The following ISY1 variants were observed in gnomAD, a reference collection of about 807,000 sequenced individuals.
ISY1 encodes the protein ISY1 spliceosome associated protein.
A neutral mutation model predicts 54.4 loss-of-function variants in ISY1; 12 were observed. The observed-to-expected ratio is 0.22, with a 90% CI of 0.14 to 0.36. The LOEUF is 0.36. ISY1 is among the 10% of genes least tolerant of loss of function. The pLI, the probability that ISY1 is intolerant of heterozygous loss-of-function variation, is 1.00. For synonymous variants in ISY1, 96 were observed against 117.9 expected (o/e 0.81, Z 1.20); for missense variants, 282 against 342.2 (o/e 0.82, Z 1.39).
intron 7 of ISY1, among the ~76,000 whole-genome samples, chr3:129,137,590 T>C (rs1936454173): frequency 6.6e-6 from 1 of 151,920 alleles, no homozygotes. Flanking sequence ...CCTAGCGCTT[T>C]GGGAGGCCGA....
intron 10 of ISY1, 112 bp downstream of exon 10, chr3:129,130,438 C>A: frequency 7.3e-7 from 1 of 1,374,524 alleles, no homozygotes; most frequent in Non-Finnish European, 9.9e-7. Context: ...GTGGTCAGGA[C>A]CCTGAGCTGC....
chr3:129,150,073 T>C (rs1936920631), intron 5 of ISY1, among the ~76,000 whole-genome samples: 1 of 152,126 alleles, frequency 6.6e-6, no homozygotes, highest in Admixed American at 6.6e-5. Flanking sequence ...CCCTGTCCTT[T>C]CACCAATACC....
intron 5 of ISY1, 109 bp from the exon 6 acceptor site, chr3:129,145,982 G>A: frequency 2.0e-6 from 2 of 997,432 alleles, no homozygotes; most frequent in Admixed American, 5.4e-5. Flanking sequence ...ACCTACAAAG[G>A]TATACTACAT....
intron 5 of ISY1, among the ~76,000 whole-genome samples, chr3:129,153,039 T>C (rs866544844): frequency 5.4e-4 from 80 of 147,612 alleles, no homozygotes; most frequent in African/African-American, 1.9e-3. Flanking sequence ...AGATGGACTG[T>C]CGCTCTGTCA....
At chr3:129,160,876 C>G (rs1937287757) in intron 1 of ISY1, 97 bp downstream of exon 1, 9 of 1,445,002 alleles carry the variant, frequency 6.2e-6, no homozygotes, top group Non-Finnish European at 8.5e-6. Context: ...CAGCACTGCA[C>G]GTCTGAGCCT....
chr3:129,147,940 A>AT (rs541481567), intron 5 of ISY1, among the ~76,000 whole-genome samples: 82 of 151,588 alleles, frequency 5.4e-4, no homozygotes, highest in African/African-American at 1.9e-3. Context: ...TGTTTTATTT[A>AT]TTTTTTTTAT....
At chr3:129,132,470 T>C (rs1936263379) in intron 9 of ISY1, among the ~76,000 whole-genome samples, 1 of 152,196 alleles carries the variant, frequency 6.6e-6, no homozygotes, top group Non-Finnish European at 1.5e-5. Context: ...CCTTTGTCTC[T>C]CACACTCATC....
rs558886505 is a variant in ISY1, at chr3:129,150,591, T to A, written c.188-4718A>T. 6.6e-5 allele frequency among the ~76,000 whole-genome samples: 10 copies of A among 152,166 alleles called. No homozygotes were observed. The South Asian group carries it at 2.1e-3, about 32-fold the overall frequency. On this transcript the variant is annotated intron_variant, in intron 5 of 10. Coordinates refer to ENST00000393295, the MANE Select transcript of ISY1 (RefSeq NM_020701.4). ...AGCCAGACGTGGTGGTGGGCGCCTG[T>A]AGTCCCAGCTACTCGGGAGGCTGAG...
At chr3:129,135,539 G>A (rs1936367994) in intron 7 of ISY1, among the ~76,000 whole-genome samples, 2 of 152,162 alleles carry the variant, frequency 1.3e-5, no homozygotes, top group African/African-American at 4.8e-5. Context: ...GCCGAGGCGG[G>A]AGAATCACGA....
At chr3:129,132,810 A>C (rs917533870) in intron 9 of ISY1, among the ~76,000 whole-genome samples, 2 of 152,244 alleles carry the variant, frequency 1.3e-5, no homozygotes, top group Non-Finnish European at 2.9e-5. Flanking sequence ...AAATCCTCCT[A>C]AGGCATGCTG....
At chr3:129,143,684 T>C (rs1437919330) in intron 6 of ISY1, among the ~76,000 whole-genome samples, 1 of 151,310 alleles carries the variant, frequency 6.6e-6, no homozygotes, top group Non-Finnish European at 1.5e-5. Context: ...ATAATTTTTA[T>C]ATTTATATTT....
intron 6 of ISY1, among the ~76,000 whole-genome samples, chr3:129,144,649 A>G (rs1263354867): frequency 6.6e-6 from 1 of 152,234 alleles, no homozygotes; most frequent in African/African-American, 2.4e-5. Context: ...AAACCAAAAT[A>G]GAACAGAATA....
rs745455747 is a variant in ISY1, at chr3:129,145,740, CTG to C, written c.300+19_300+20del. The C allele has an allele frequency of 6.2e-7, 1 of 1,610,168 alleles. No individual in the cohort carries two copies. ...GTGGAAAACTAGACAAGACCCGCCA[CTG>C]GGGCTGCCATGTACTCACTCCATAA... On this transcript the variant is annotated intron_variant, in intron 6 of 10. Transcript: ENST00000393295.
chr3:129,149,923 A>ATGAC (rs1936911296), intron 5 of ISY1, among the ~76,000 whole-genome samples: 1 of 150,094 alleles, frequency 6.7e-6, no homozygotes, highest in South Asian at 2.1e-4. Flanking sequence ...GCAGTGAGCT[A>ATGAC]TGACTGCACC....
chr3:129,159,376 TAC>T (rs997328715), intron 1 of ISY1, among the ~76,000 whole-genome samples, 200 bp from the exon 2 acceptor site: 2 of 152,230 alleles, frequency 1.3e-5, no homozygotes, highest in African/African-American at 4.8e-5. Context: ...TTAAAATCTT[TAC>T]TCCTCCACTG....
intron 5 of ISY1, among the ~76,000 whole-genome samples, chr3:129,151,112 A>G (rs1438922074): frequency 6.7e-6 from 1 of 149,584 alleles, no homozygotes; most frequent in Non-Finnish European, 1.5e-5. Context: ...ACAGAGGAAG[A>G]CTCTGTCTCA....
chr3:129,160,179 TTC>T (rs1388658610), intron 1 of ISY1, among the ~76,000 whole-genome samples: 4 of 152,040 alleles, frequency 2.6e-5, no homozygotes, highest in East Asian at 1.9e-4. Context: ...TTCCACTGGT[TTC>T]TCTCTTTTTC....
At position 129,140,430 on chromosome 3, in the gene ISY1, C is replaced by A. The variant is rs1160752390; in HGVS notation, c.356G>T (p.Gly119Val). 6 of 1,613,420 alleles carry A rather than the reference C, an allele frequency of 3.7e-6. No individual in the cohort carries two copies. The change falls in exon 7 of 11, where the codon GGT (glycine) becomes GTT (valine). Residue 119 changes from glycine (G) to valine (V), a missense_variant. Coordinates refer to ENST00000393295, the MANE Select transcript of ISY1 (RefSeq NM_020701.4). Reference sequence around the variant, plus strand: ...TTTTGCTGCTCCAAAGTACTTGTAACCTCGGTTTCCTGGGACTTCTTTTCC... The same window carrying A: ...TTTTGCTGCTCCAAAGTACTTGTAAACTCGGTTTCCTGGGACTTCTTTTCC... ...HEGKEVPGNRGYKYFGAAKDL... is the reference protein window; with the variant it reads ...HEGKEVPGNRVYKYFGAAKDL...
At chr3:129,133,299 G>A (rs905160262) in intron 9 of ISY1, among the ~76,000 whole-genome samples, 2 of 152,148 alleles carry the variant, frequency 1.3e-5, no homozygotes, top group Non-Finnish European at 2.9e-5. Flanking sequence ...ATATGCAAAA[G>A]ATCAGAAAAT....
Sources: gnomAD v4.1 joint callset for allele counts (sites outside exome capture counted in the v4.1 genomes callset) on GRCh38, gnomAD v4.1.1 for gene constraint, MANE v1.5 for transcripts, NCBI Gene and HGNC (gene_info 2026-07-23, HGNC 2026-07-21) for gene names.